Variants in TRAM1 observed in about 807,000 individuals in gnomAD.
TRAM1 encodes the protein translocation associated membrane protein 1, also known as translocating chain-associated membrane protein 1.
A neutral mutation model predicts 48.7 loss-of-function variants in TRAM1; 17 were observed. The ratio of observed to expected loss-of-function variants is 0.35; its 90% CI spans 0.24 to 0.52. TRAM1 has a LOEUF of 0.52. Among genes scored for constraint, TRAM1 ranks in the 20% least tolerant of loss-of-function variants. The pLI, the probability that TRAM1 is intolerant of heterozygous loss-of-function variation, is 0.94. For synonymous variants in TRAM1, 182 were observed against 154.0 expected (o/e 1.18, Z -1.34); for missense variants, 351 against 441.5 (o/e 0.79, Z 1.84).
In TRAM1 at chr8:70,574,425, A is replaced by C. The variant is rs1457118913; in HGVS notation, c.*507T>G. The C allele has an allele frequency of 4.5e-6, 1 of 222,678 alleles. No individual in the cohort carries two copies. The highest frequency in any genetic ancestry group is 9.0e-6 in the Non-Finnish European group (1 of 110,788). 13.8% of individuals were successfully genotyped at this position (222,678 alleles called of 1,614,324 possible). On this transcript the variant is annotated 3_prime_UTR_variant, in exon 11 of 11. Coordinates refer to ENST00000262213, the MANE Select transcript of TRAM1 (RefSeq NM_014294.6). ...CACAATTGTTCCGGTGATTTTACAAATCTTTTTTTCCAGGTGTAAAGTCTA... is the reference window on the plus strand; with the variant it reads ...CACAATTGTTCCGGTGATTTTACAACTCTTTTTTTCCAGGTGTAAAGTCTA...
intron 8 of TRAM1, among the ~76,000 whole-genome samples, chr8:70,584,407 A>C (rs1234350201): frequency 6.6e-6 from 1 of 152,214 alleles, no homozygotes; most frequent in Non-Finnish European, 1.5e-5. Flanking sequence ...ACTCCTATTC[A>C]ACACAGTGTT....
chr8:70,594,423 G>A (rs1817439929), intron 6 of TRAM1, 83 bp downstream of exon 6: 6 of 1,052,996 alleles, frequency 5.7e-6, no homozygotes, highest in Non-Finnish European at 8.0e-6. Context: ...GGGCAAACAT[G>A]TAAGAAAATA....
rs1392576548 is a variant in TRAM1 at position 70,574,200 on chromosome 8, G to C, written c.*732C>G. On this transcript the variant is annotated 3_prime_UTR_variant, in exon 11 of 11. Transcript: ENST00000262213. ...AAAGGGCTATATGTCAGATTTTCCT[G>C]TTCATAGTAAATATTTTCTGATTTC... 1 of 406,512 alleles carries C rather than the reference G, an allele frequency of 2.5e-6. No homozygotes were observed. Among genetic ancestry groups the C allele is most frequent in the Non-Finnish European group, 4.7e-6 (1 of 211,874 alleles). 25.2% of individuals were successfully genotyped at this position (406,512 alleles called of 1,614,324 possible).
rs116323745 is a variant in TRAM1 at position 70,580,487 on chromosome 8, A to G, written c.1051+2677T>C. On this transcript the variant is annotated intron_variant, in intron 10 of 10. Transcript: ENST00000262213. Reference sequence around the variant, plus strand: ...CTCAATAGATGCAGGAAAAAAAGCAATTGACAAAATCTAACAACCTTCCAT... The same window carrying G: ...CTCAATAGATGCAGGAAAAAAAGCAGTTGACAAAATCTAACAACCTTCCAT... Among the ~76,000 whole-genome samples the G allele has an allele frequency of 3.1e-3, 469 of 152,348 alleles. 3 individuals are homozygous for G. The highest frequency in any genetic ancestry group is 0.011 in the African/African-American group (450 of 41,586).
chr8:70,583,135 GA>G (rs777571022), intron 10 of TRAM1, 28 bp downstream of exon 10: 1 of 1,582,922 alleles, frequency 6.3e-7, no homozygotes, highest in Non-Finnish European at 8.6e-7. Context: ...CTACTTCCAT[GA>G]GTTTTTCATT....
intron 1 of TRAM1, chr8:70,607,588 C>A (rs1434325893): frequency 2.9e-6 from 2 of 680,384 alleles, no homozygotes; most frequent in African/African-American, 3.9e-5. Flanking sequence ...CAGGCCGGCA[C>A]TCCTCAGACC....
At chr8:70,577,721 A>G (rs1311766286) in intron 10 of TRAM1, among the ~76,000 whole-genome samples, 1 of 152,208 alleles carries the variant, frequency 6.6e-6, no homozygotes, top group African/African-American at 2.4e-5. Context: ...CAAGAAAGAG[A>G]GAAGAGCTGT....
intron 4 of TRAM1, among the ~76,000 whole-genome samples, chr8:70,597,575 C>T (rs964188815): frequency 7.2e-6 from 1 of 139,106 alleles, no homozygotes; most frequent in Non-Finnish European, 1.5e-5. Context: ...GAAGCTGAGG[C>T]AGGAGAATCG....
chr8:70,587,333 G>A (rs879529847), intron 6 of TRAM1, among the ~76,000 whole-genome samples, 157 bp from the exon 7 acceptor site: 1 of 152,188 alleles, frequency 6.6e-6, no homozygotes, highest in Non-Finnish European at 1.5e-5. Flanking sequence ...GATTTCAGGC[G>A]TGACCCACTG....
chr8:70,592,362 TAA>T (rs1328419243), intron 6 of TRAM1, among the ~76,000 whole-genome samples: 1 of 152,198 alleles, frequency 6.6e-6, no homozygotes. Flanking sequence ...TTTCTTCCAG[TAA>T]AGAGTTCCAA....
chr8:70,580,164 C>T (rs1817045432), intron 10 of TRAM1, among the ~76,000 whole-genome samples: 1 of 151,924 alleles, frequency 6.6e-6, no homozygotes, highest in Non-Finnish European at 1.5e-5. Flanking sequence ...AGAACTCTTC[C>T]AAAAAACAGA....
chr8:70,590,555 C>T (rs1225991373), intron 6 of TRAM1, among the ~76,000 whole-genome samples: 1 of 152,202 alleles, frequency 6.6e-6, no homozygotes, highest in Non-Finnish European at 1.5e-5. Context: ...TGGTTATTCA[C>T]AGGTGCAATT....
At chr8:70,579,404 T>C (rs939258714) in intron 10 of TRAM1, among the ~76,000 whole-genome samples, 1 of 152,242 alleles carries the variant, frequency 6.6e-6, no homozygotes, top group Non-Finnish European at 1.5e-5. Flanking sequence ...TACACATATG[T>C]TGTACAGCTG....
intron 1 of TRAM1, among the ~76,000 whole-genome samples, chr8:70,604,657 G>GA (rs564749472): frequency 4.4e-4 from 65 of 146,834 alleles, no homozygotes; most frequent in Middle Eastern, 7.1e-3. Flanking sequence ...AAAAAGGAAA[G>GA]AAAAAAAAAA....
At chr8:70,579,693 T>C (rs773769163) in intron 10 of TRAM1, among the ~76,000 whole-genome samples, 1 of 152,192 alleles carries the variant, frequency 6.6e-6, no homozygotes, top group Non-Finnish European at 1.5e-5. Flanking sequence ...CAAAAACTCT[T>C]AGTAAATGAT....
rs1554535072 is a variant in TRAM1 at position 70,597,689 on chromosome 8, A to AAG, written c.426+205_426+206insCT. On this transcript the variant is annotated intron_variant, in intron 4 of 10. Transcript: ENST00000262213. ...GTCTCAAAAAAAAAAAAAAAAAAAA[A>AAG]AAAGAAAGATATAAAAGTAACATTC... Among the ~76,000 whole-genome samples, 3 of 150,442 alleles carry AAG rather than the reference A, an allele frequency of 2.0e-5. No homozygotes were observed. In the East Asian group the frequency reaches 5.8e-4, roughly 29 times the overall value.
intron 6 of TRAM1, among the ~76,000 whole-genome samples, 200 bp downstream of exon 6, chr8:70,594,306 T>C (rs1275451972): frequency 2.1e-4 from 2 of 9,716 alleles, no homozygotes; most frequent in East Asian, 3.8e-3. Context: ...TGACTGAAGG[T>C]TTTTTTTTTT....
chr8:70,602,795 T>C (rs1011281242), intron 1 of TRAM1, among the ~76,000 whole-genome samples: 12 of 151,966 alleles, frequency 7.9e-5, no homozygotes, highest in Non-Finnish European at 1.5e-4. Flanking sequence ...AAAAGGCCAA[T>C]AGTGGAGTAA....
intron 1 of TRAM1, among the ~76,000 whole-genome samples, chr8:70,605,728 G>A (rs577886407): frequency 3.3e-5 from 5 of 152,224 alleles, no homozygotes; most frequent in Non-Finnish European, 5.9e-5. Flanking sequence ...GGAAGAACTC[G>A]CACAAACTTC....
Sources: gnomAD v4.1 joint callset for allele counts (sites outside exome capture counted in the v4.1 genomes callset) on GRCh38, gnomAD v4.1.1 for gene constraint, MANE v1.5 for transcripts, NCBI Gene and HGNC (gene_info 2026-07-23, HGNC 2026-07-21) for gene names.